ANTXR1: variants seen among roughly 807,000 people sequenced by gnomAD.
ANTXR1 encodes anthrax toxin receptor 1.
Under a neutral mutation model 78.1 loss-of-function variants are expected in ANTXR1, and 19 were observed. The ratio of observed to expected loss-of-function variants is 0.24; its 90% CI spans 0.17 to 0.36. The LOEUF is 0.36. Among genes scored for constraint, ANTXR1 ranks in the 10% least tolerant of loss-of-function variants. The pLI is 1.00. For synonymous variants in ANTXR1, 273 were observed against 260.5 expected (o/e 1.05, Z -0.46); for missense variants, 518 against 718.6 (o/e 0.72, Z 3.19).
intron 17 of ANTXR1, among the ~76,000 whole-genome samples, chr2:69,203,037 T>A (rs1674812062): frequency 6.6e-6 from 1 of 151,852 alleles, no homozygotes; most frequent in African/African-American, 2.4e-5. Flanking sequence ...GTTATCTACA[T>A]ATTGAAGTCT....
In ANTXR1 at chr2:69,128,227, GA is replaced by G. The variant is rs199694251; in HGVS notation, c.951+3598del. 1.4e-3 allele frequency among the ~76,000 whole-genome samples: 198 copies of G among 138,970 alleles called. 1 individual carries two copies. In the Middle Eastern group the frequency reaches 0.015, roughly 10 times the overall value. The allele number at this position is 138,970 out of a possible 152,430, so 91.2% of individuals were successfully genotyped here. A position where few individuals can be genotyped will look rare whatever the true frequency, so the allele number is the denominator to read the frequency against. ...GTGACAGAGCGAGACTCCATCTCTG[GA>G]AAAAAAAAAAAAATTTGTTTAGCCC... On this transcript the variant is annotated intron_variant, in intron 12 of 17. Coordinates refer to ENST00000303714, the MANE Select transcript of ANTXR1 (RefSeq NM_032208.3).
chr2:69,161,677 A>G (rs761297464), intron 13 of ANTXR1, among the ~76,000 whole-genome samples: 3 of 152,204 alleles, frequency 2.0e-5, no homozygotes, highest in Non-Finnish European at 2.9e-5. Flanking sequence ...CTTGACTTCA[A>G]TTAAAAGAAT....
chr2:69,061,516 A>G (rs1024254237), intron 3 of ANTXR1, among the ~76,000 whole-genome samples: 1 of 152,138 alleles, frequency 6.6e-6, no homozygotes, highest in Non-Finnish European at 1.5e-5. Flanking sequence ...AAAAAAAAAA[A>G]AAAAGCTGGT....
rs140777256 is a variant in ANTXR1, at chr2:69,058,987, T to A, written c.297-11660T>A. Reference sequence around the variant, plus strand: ...GAGAACCAGAATTTGAAGCGGAGCCTGAAGATGTGGCTGAATTGTTGCAAT... The same window carrying A: ...GAGAACCAGAATTTGAAGCGGAGCCAGAAGATGTGGCTGAATTGTTGCAAT... On this transcript the variant is annotated intron_variant, in intron 3 of 17. Transcript: ENST00000303714. Among the ~76,000 whole-genome samples, 3 of 152,346 alleles carry A rather than the reference T, an allele frequency of 2.0e-5. No homozygotes were observed. The East Asian group carries it at 5.8e-4, about 29-fold the overall frequency.
intron 12 of ANTXR1, among the ~76,000 whole-genome samples, chr2:69,149,957 C>T (rs1673346379): frequency 6.6e-6 from 1 of 152,208 alleles, no homozygotes; most frequent in African/African-American, 2.4e-5. Flanking sequence ...GCATGTCCAT[C>T]GTCTGGCCCC....
chr2:69,062,497 G>A (rs565285242), intron 3 of ANTXR1, among the ~76,000 whole-genome samples: 1 of 152,308 alleles, frequency 6.6e-6, no homozygotes, highest in Admixed American at 6.5e-5. Context: ...CAGGGAACAT[G>A]AATCTAACAA....
At chr2:69,018,873 G>T (rs1192667019) in intron 1 of ANTXR1, among the ~76,000 whole-genome samples, 1 of 152,160 alleles carries the variant, frequency 6.6e-6, no homozygotes, top group Non-Finnish European at 1.5e-5. Context: ...AGTAAATCAT[G>T]GTGCATAAGG....
At chr2:69,241,362 A>G (rs1213124684) in intron 17 of ANTXR1, among the ~76,000 whole-genome samples, 2 of 152,202 alleles carry the variant, frequency 1.3e-5, no homozygotes, top group Non-Finnish European at 2.9e-5. Context: ...TACCGTGTTT[A>G]TGCTGGCACC....
chr2:69,192,099 CA>C (rs1370717664), intron 16 of ANTXR1, among the ~76,000 whole-genome samples: 2 of 152,214 alleles, frequency 1.3e-5, no homozygotes, highest in African/African-American at 4.8e-5. Flanking sequence ...GCTGGCATTC[CA>C]GGGGGCACAG....
chr2:69,184,058 C>A (rs998688626), intron 16 of ANTXR1, among the ~76,000 whole-genome samples: 8 of 95,556 alleles, frequency 8.4e-5, no homozygotes, highest in African/African-American at 6.8e-4. Context: ...TACACATACA[C>A]ACACTCACAC....
At chr2:69,140,175 T>C (rs1166799570) in intron 12 of ANTXR1, among the ~76,000 whole-genome samples, 1 of 152,256 alleles carries the variant, frequency 6.6e-6, no homozygotes, top group Admixed American at 6.5e-5. Context: ...ACTTATCACC[T>C]TCTGTGATAA....
chr2:69,129,964 C>A (rs1672681299), intron 12 of ANTXR1, among the ~76,000 whole-genome samples: 1 of 152,154 alleles, frequency 6.6e-6, no homozygotes, highest in Non-Finnish European at 1.5e-5. Context: ...CCAACCCGAA[C>A]CAGGGATGGA....
intron 17 of ANTXR1, among the ~76,000 whole-genome samples, chr2:69,225,287 C>T (rs1252877791): frequency 6.6e-6 from 1 of 152,032 alleles, no homozygotes; most frequent in African/African-American, 2.4e-5. Flanking sequence ...AAGGAGTCTC[C>T]ATGAGATGCC....
chr2:69,148,011 T>C (rs1673274735), intron 12 of ANTXR1, among the ~76,000 whole-genome samples: 1 of 152,160 alleles, frequency 6.6e-6, no homozygotes, highest in Non-Finnish European at 1.5e-5. Flanking sequence ...CCAGAAGAAT[T>C]GGGCAGAATT....
intron 10 of ANTXR1, among the ~76,000 whole-genome samples, chr2:69,110,029 A>C (rs954324014): frequency 6.6e-6 from 1 of 152,238 alleles, no homozygotes; most frequent in African/African-American, 2.4e-5. Context: ...TTAAGAAAAT[A>C]ATGATTAATA....
chr2:69,121,086 G>A (rs1672331971), intron 10 of ANTXR1, among the ~76,000 whole-genome samples: 1 of 152,076 alleles, frequency 6.6e-6, no homozygotes, highest in African/African-American at 2.4e-5. Flanking sequence ...CCTTTCCTTG[G>A]GGAAGCATTT....
At chr2:69,122,911 T>G in intron 10 of ANTXR1, 106 bp from the exon 11 acceptor site, 1 of 1,256,242 alleles carries the variant, frequency 8.0e-7, no homozygotes, top group Admixed American at 1.7e-5. Context: ...AAGATTTTTG[T>G]TTTTTTGGTA....
At chr2:69,189,374 G>A (rs1674499376) in intron 16 of ANTXR1, among the ~76,000 whole-genome samples, 1 of 152,194 alleles carries the variant, frequency 6.6e-6, no homozygotes, top group African/African-American at 2.4e-5. Context: ...TCGGTAAATA[G>A]ACACCCAGAT....
chr2:69,049,915 A>G (rs887295511), intron 3 of ANTXR1, among the ~76,000 whole-genome samples: 2 of 152,182 alleles, frequency 1.3e-5, no homozygotes, highest in African/African-American at 2.4e-5. Flanking sequence ...AATAGTTGTT[A>G]TATTAAATAC....
Sources: gnomAD v4.1 joint callset for allele counts (sites outside exome capture counted in the v4.1 genomes callset) on GRCh38, gnomAD v4.1.1 for gene constraint, MANE v1.5 for transcripts, NCBI Gene and HGNC (gene_info 2026-07-23, HGNC 2026-07-21) for gene names.